The following PRR14L variants were observed in gnomAD, a reference collection of about 807,000 sequenced individuals.
The protein encoded by PRR14L is protein PRR14L.
PRR14L carries 80 observed loss-of-function variants against 155.0 expected under a neutral mutation model. The observed-to-expected ratio is 0.52, with a 90% CI of 0.43 to 0.62. PRR14L has a LOEUF of 0.62. Ranked by LOEUF, PRR14L falls within the 20% of genes least tolerant of loss-of-function variation. The probability of loss-of-function intolerance (pLI) is 0.00; values close to 1 mark genes in which losing one functional copy is unlikely to be tolerated. For missense variants in PRR14L, 2,469 were observed against 2,548.0 expected, an observed-to-expected ratio of 0.97 and a Z score of 0.67; for synonymous variants, 883 against 916.0, an observed-to-expected ratio of 0.96 and a Z score of 0.65.
At chr22:31,719,189 G>C (rs2074677199) in intron 3 of PRR14L, among the ~76,000 whole-genome samples, 1 of 151,946 alleles carries the variant, frequency 6.6e-6, no homozygotes, top group Non-Finnish European at 1.5e-5. Context: ...GAATGCTTGA[G>C]CCCAGAAGTT....
chr22:31,715,000 T>C lies in PRR14L; in HGVS notation c.2839A>G (p.Thr947Ala), dbSNP rs1413641699. The change falls in exon 4 of 9, where the codon ACT becomes GCT. Residue 947 changes from threonine to alanine, a missense_variant. Thr to Ala is a moderately conservative substitution (Grantham distance 58, BLOSUM62 0). Around this residue, in one of 2 missense-constraint regions of PRR14L, gnomAD observed 2,363 missense variants for 2,371.6 expected, o/e 1.00. Transcript: ENST00000327423. Reference sequence around the variant, plus strand: ...TTTTTAAAACTGGAGAACATAACAGTAGGAGACTGGTCCAACACTTTTTCA... The same window carrying C: ...TTTTTAAAACTGGAGAACATAACAGCAGGAGACTGGTCCAACACTTTTTCA... ...GPEKVLDQSPTVMFSSFKNVK... is the reference protein window; with the variant it reads ...GPEKVLDQSPAVMFSSFKNVK... The C allele has an allele frequency of 2.6e-6, 4 of 1,552,122 alleles. No homozygotes were observed. In the East Asian group the frequency reaches 7.3e-5, roughly 28 times the overall value.
At chr22:31,729,581 G>A (rs1031927520) in intron 2 of PRR14L, among the ~76,000 whole-genome samples, 5 of 152,120 alleles carry the variant, frequency 3.3e-5, no homozygotes, top group African/African-American at 7.2e-5. Context: ...TATTTTACTG[G>A]TTTAACTTCT....
intron 1 of PRR14L, among the ~76,000 whole-genome samples, chr22:31,741,744 C>A (rs1325185099): frequency 6.6e-6 from 1 of 151,936 alleles, no homozygotes; most frequent in African/African-American, 2.4e-5. Flanking sequence ...TGATGGCAGG[C>A]ACCTGTAGTC....
Position 31,738,624 on chromosome 22 carries a change from G to A in PRR14L, c.237C>T (p.Thr79=), listed in dbSNP as rs2074796075. ...CACTCCCATGATCCAAGGTCTCATA[G>A]GTTTCTTCACAACAACTCTCCACAT... ...RTHVESCCEE[T]YETLDHGSEP... is the part of the protein sequence containing the mutation. Residue 79 remains threonine (T), a synonymous_variant, in exon 2 of 9, where the codon ACC becomes ACT. Transcript: ENST00000327423. 6.4e-7 allele frequency: 1 copy of A among 1,552,068 alleles called. No homozygotes were observed. The highest frequency in any genetic ancestry group is 8.7e-7 in the Non-Finnish European group (1 of 1,147,080).
rs2074665895 is a variant in PRR14L, at chr22:31,717,305, A to G, written c.548-14T>C. 6.6e-7 allele frequency: 1 copy of G among 1,516,308 alleles called. No homozygotes were observed. Among genetic ancestry groups the G allele is most frequent in the Non-Finnish European group, 8.9e-7 (1 of 1,129,030 alleles). The allele number at this position is 1,516,308 out of a possible 1,614,324, so 93.9% of individuals were successfully genotyped here. Reference sequence around the variant, plus strand: ...GTACATTTCCTTCTGAATAAGAGAAATAAATCCAAATTAATATGCAGTAAT... The same window carrying G: ...GTACATTTCCTTCTGAATAAGAGAAGTAAATCCAAATTAATATGCAGTAAT... On this transcript the variant is annotated splice_polypyrimidine_tract_variant and intron_variant, in intron 3 of 8. Transcript: ENST00000327423.
intron 4 of PRR14L, among the ~76,000 whole-genome samples, chr22:31,706,428 C>CTTTTT (rs771902267): frequency 0.011 from 1,525 of 142,074 alleles, 81 homozygotes; most frequent in African/African-American, 0.041. Flanking sequence ...TAAACTCTTC[C>CTTTTT]TTTTTCTTTT....
At chr22:31,710,269 A>G (rs1601501614) in intron 4 of PRR14L, among the ~76,000 whole-genome samples, 1 of 152,130 alleles carries the variant, frequency 6.6e-6, no homozygotes, top group East Asian at 1.9e-4. Context: ...CTGACACACA[A>G]TGATTCTACA....
At position 31,701,712 on chromosome 22, in the gene PRR14L, T is replaced by C; in HGVS notation, c.6051A>G (p.Lys2017=). ...GATTAGGATCTGGCCTAGGAATGGT[T>C]TTCCGGATGCGAATCTGTGAGACTT... ...PKKVSQIRIR[K]TIPRPDPNLT... is the part of the protein sequence containing the mutation. Residue 2017 remains lysine, a synonymous_variant, in exon 7 of 9, where the codon AAA becomes AAG. Coordinates refer to ENST00000327423, the MANE Select transcript of PRR14L (RefSeq NM_173566.3). 6.2e-7 allele frequency: 1 copy of C among 1,614,184 alleles called. No individual in the cohort carries two copies. Among genetic ancestry groups the C allele is most frequent in the Non-Finnish European group, 8.5e-7 (1 of 1,180,010 alleles).
At chr22:31,708,842 T>G (rs1015973066) in intron 4 of PRR14L, among the ~76,000 whole-genome samples, 6 of 152,210 alleles carry the variant, frequency 3.9e-5, no homozygotes, top group Non-Finnish European at 7.4e-5. Context: ...TTTTTATTTT[T>G]TGAGACGGAG....
In PRR14L at chr22:31,715,182, G is replaced by C; in HGVS notation, c.2657C>G (p.Ser886Ter). The C allele has an allele frequency of 6.4e-7, 1 of 1,552,052 alleles. No homozygotes were observed. The highest frequency in any genetic ancestry group is 8.7e-7 in the Non-Finnish European group (1 of 1,147,050). Residue 886 changes from serine (S) to a stop codon, truncating the protein, a stop_gained, in exon 4 of 9, where the codon TCA becomes TGA. Coordinates refer to ENST00000327423, the MANE Select transcript of PRR14L (RefSeq NM_173566.3). LOFTEE classifies it high-confidence loss of function. ...ACTGGAGGTGTGAATGGTTTTGTTT[G>C]AAATTCCACTATTTAACAAGCCTGC... ...MVAGLLNSGI[S>*]NKTIHTSSSI...
At chr22:31,731,568 A>C (rs2074750448) in intron 2 of PRR14L, among the ~76,000 whole-genome samples, 1 of 73,150 alleles carries the variant, frequency 1.4e-5, no homozygotes, top group Non-Finnish European at 2.5e-5. Context: ...ACTGTCTCAA[A>C]AAAAAAAAAA....
intron 7 of PRR14L, among the ~76,000 whole-genome samples, chr22:31,691,357 T>G (rs1407149432): frequency 6.6e-6 from 1 of 152,062 alleles, no homozygotes; most frequent in East Asian, 1.9e-4. Context: ...CCTCCCAAAG[T>G]GCTGGGATTA....
At chr22:31,745,325 G>A (rs62238886) in intron 1 of PRR14L, among the ~76,000 whole-genome samples, 5,813 of 151,858 alleles carry the variant, frequency 0.038, 111 homozygotes, top group African/African-American at 0.052. Context: ...TGCAGTGAGC[G>A]GAGATTGTGC....
Position 31,713,307 on chromosome 22 carries a change from G to A in PRR14L, c.4532C>T (p.Ala1511Val), listed in dbSNP as rs776813532. Reference sequence around the variant, plus strand: ...CTTTAAGGGAAGAACTCCTTTCTTCGCAAAGGCACCATGTATTTGATCACA... The same window carrying A: ...CTTTAAGGGAAGAACTCCTTTCTTCACAAAGGCACCATGTATTTGATCACA... ...AGCDQIHGAF[A>V]KKGVLPLKKQ... Residue 1511 changes from alanine (A) to valine (V), a missense_variant, in exon 4 of 9, where the codon GCG becomes GTG. Coordinates refer to ENST00000327423, the MANE Select transcript of PRR14L (RefSeq NM_173566.3). 17 of 1,552,106 alleles carry A rather than the reference G, an allele frequency of 1.1e-5. No individual in the cohort carries two copies. In the East Asian group the frequency reaches 2.9e-4, roughly 27 times the overall value.
chr22:31,709,533 GTTTTTTT>G (rs35320368), intron 4 of PRR14L, among the ~76,000 whole-genome samples: 227 of 88,598 alleles, frequency 2.6e-3, no homozygotes, highest in African/African-American at 0.01. Flanking sequence ...CGCCTGTGGG[GTTTTTTT>G]TTTTTTTTTT....
intron 4 of PRR14L, among the ~76,000 whole-genome samples, chr22:31,709,533 G>GTTTTT (rs35320368): frequency 5.6e-5 from 5 of 88,602 alleles, no homozygotes; most frequent in African/African-American, 9.2e-5. Flanking sequence ...CGCCTGTGGG[G>GTTTTT]TTTTTTTTTT....
chr22:31,728,295 T>A (rs2074728871), intron 2 of PRR14L, among the ~76,000 whole-genome samples: 1 of 152,172 alleles, frequency 6.6e-6, no homozygotes, highest in Admixed American at 6.5e-5. Flanking sequence ...AGCTAAATGT[T>A]CTAACTTTCA....
intron 3 of PRR14L, 112 bp downstream of exon 3, chr22:31,725,426 C>T (rs941130149): frequency 8.5e-6 from 6 of 706,864 alleles, no homozygotes; most frequent in South Asian, 1.7e-5. Flanking sequence ...GTTAAGTACA[C>T]CTTACAAGGC....
chr22:31,703,468 C>CT (rs2074573299), intron 6 of PRR14L, 82 bp downstream of exon 6: 2 of 1,338,880 alleles, frequency 1.5e-6, no homozygotes, highest in African/African-American at 2.9e-5. Flanking sequence ...AGAAGCCAGT[C>CT]TGTAGCTATA....
Sources: allele counts gnomAD v4.1 joint callset (sites outside exome capture counted in the v4.1 genomes callset), GRCh38; gene constraint gnomAD v4.1.1; regional missense constraint gnomAD v4.1.1; transcripts MANE v1.5; gene names NCBI Gene and HGNC (gene_info 2026-07-23, HGNC 2026-07-21).